Variants in MYH2 observed in about 807,000 individuals in gnomAD.
The protein encoded by MYH2 is myosin-2.
In MYH2, 139 loss-of-function variants were observed where a neutral mutation model predicts 228.1. The ratio of observed to expected loss-of-function variants is 0.61; its 90% CI spans 0.53 to 0.70. MYH2 has a LOEUF of 0.70. MYH2 is among the 30% of genes least tolerant of loss of function. MYH2 has a pLI of 0.00. For synonymous variants in MYH2, 796 were observed against 871.1 expected (o/e 0.91, Z 1.52); for missense variants, 1,809 against 2,357.5 (o/e 0.77, Z 4.82).
At position 10,525,671 on chromosome 17, in the gene MYH2, C is replaced by A. The variant is rs779536101; in HGVS notation, c.4371+22G>T. Reference sequence around the variant, plus strand: ...AAAGACAAAAGAGTAGAGTAAAGAGCAGAAGATGCTGGAGGAATTACCTTA... The same window carrying A: ...AAAGACAAAAGAGTAGAGTAAAGAGAAGAAGATGCTGGAGGAATTACCTTA... On this transcript the variant is annotated intron_variant, in intron 31 of 39. Transcript: ENST00000245503. This position sits in a 1 kb window ranked among gnomAD's most constrained non-coding sequence, Gnocchi z 4.2. 1 of 1,614,194 alleles carries A rather than the reference C, an allele frequency of 6.2e-7. No individual in the cohort carries two copies. The highest frequency in any genetic ancestry group is 1.7e-5 in the Admixed American group (1 of 60,024).
intron 8 of MYH2, 103 bp from the exon 9 acceptor site, chr17:10,543,264 G>T: frequency 1.1e-6 from 1 of 881,930 alleles, no homozygotes; most frequent in Non-Finnish European, 1.8e-6. Flanking sequence ...AATCAATTCA[G>T]AGAGTATTTG....
At position 10,525,975 on chromosome 17, in the gene MYH2, G is replaced by T; in HGVS notation, c.4188-99C>A. On this transcript the variant is annotated intron_variant, in intron 30 of 39. Transcript: ENST00000245503. This position sits in a 1 kb window ranked among gnomAD's most constrained non-coding sequence, Gnocchi z 4.2. The stretch of plus-strand genomic sequence containing the variant: ...AGAGTGTTAGAAACTTCACATTAAT[G>T]CTGCCCAGCCACCTTTCATTCTTTC... 7.6e-7 allele frequency: 1 copy of T among 1,312,852 alleles called. No homozygotes were observed. The highest frequency in any genetic ancestry group is 1.1e-6 in the Non-Finnish European group (1 of 940,106). 81.3% of individuals were successfully genotyped at this position (1,312,852 alleles called of 1,614,324 possible).
intron 14 of MYH2, among the ~76,000 whole-genome samples, chr17:10,538,824 A>T (rs1442615242): frequency 2.0e-5 from 3 of 152,184 alleles, no homozygotes; most frequent in Non-Finnish European, 2.9e-5. Context: ...TTCGTAATCA[A>T]ATATGAATTT....
chr17:10,537,904 C>T lies in MYH2; in HGVS notation c.1417-69G>A. 1 of 1,611,930 alleles carries T rather than the reference C, an allele frequency of 6.2e-7. No individual in the cohort carries two copies. Among genetic ancestry groups the T allele is most frequent in the African/African-American group, 1.3e-5 (1 of 74,774 alleles). On this transcript the variant is annotated intron_variant, in intron 14 of 39. Coordinates refer to ENST00000245503, the MANE Select transcript of MYH2 (RefSeq NM_017534.6). The surrounding 1 kb of genome is among the most constrained non-coding windows in gnomAD (Gnocchi z 4.0). The stretch of plus-strand genomic sequence containing the variant: ...TATTTTTTAAAATACAGAACTTTTC[C>T]ATTTTAAAAATATGTGTCCAAGAGC...
chr17:10,539,878 A>G lies in MYH2; in HGVS notation c.1147+50T>C, dbSNP rs761078637. The G allele has an allele frequency of 3.1e-6, 5 of 1,611,960 alleles. No homozygotes were observed. In the East Asian group the frequency reaches 1.1e-4, roughly 36 times the overall value. The stretch of plus-strand genomic sequence containing the variant: ...GAAAATTCCTGGGTAACAAGTTAAG[A>G]ATGTGATTTTCAAACAAATGCAAAA... On this transcript the variant is annotated intron_variant, in intron 12 of 39. Coordinates refer to ENST00000245503, the MANE Select transcript of MYH2 (RefSeq NM_017534.6).
chr17:10,523,287 G>A lies in MYH2; in HGVS notation c.5577+21C>T, dbSNP rs747276367. ...CATAAACTTCGACCAGTGCTTAGCC[G>A]CTAAAAACTACTGGCTGTACCTGGT... On this transcript the variant is annotated intron_variant, in intron 38 of 39. Coordinates refer to ENST00000245503, the MANE Select transcript of MYH2 (RefSeq NM_017534.6). 1.1e-4 allele frequency: 183 copies of A among 1,612,976 alleles called. 1 individual carries two copies. In the Admixed American group the frequency reaches 2.3e-3, roughly 20 times the overall value.
intron 28 of MYH2, among the ~76,000 whole-genome samples, chr17:10,527,496 G>A (rs1267586389): frequency 6.6e-6 from 1 of 152,150 alleles, no homozygotes; most frequent in African/African-American, 2.4e-5. Context: ...TGGAGTAACC[G>A]CTAATCCCAG....
At chr17:10,543,592 A>G in intron 8 of MYH2, 119 bp downstream of exon 8, 1 of 1,439,024 alleles carries the variant, frequency 6.9e-7, no homozygotes. Flanking sequence ...GCTCAGAGGA[A>G]AAGGAAAGAA....
chr17:10,545,031 G>GTGTGTGTGTGTA lies in MYH2; in HGVS notation c.505+314_505+315insTACACACACACA, dbSNP rs1415228141. ...CGTGCATGAGTGTGTGTGTGTGTGT[G>GTGTGTGTGTGTA]TATATATACATACACAGAAATATTT... On this transcript the variant is annotated intron_variant, in intron 5 of 39. Transcript: ENST00000245503. Among the ~76,000 whole-genome samples the GTGTGTGTGTGTA allele has an allele frequency of 5.2e-3, 704 of 134,696 alleles. 8 individuals are homozygous for GTGTGTGTGTGTA. The highest frequency in any genetic ancestry group is 0.018 in the African/African-American group (676 of 38,264). 88.4% of individuals were successfully genotyped at this position (134,696 alleles called of 152,430 possible). A position where few individuals can be genotyped will look rare whatever the true frequency, so the allele number is the denominator to read the frequency against.
chr17:10,540,294 A>C (rs1339306115), intron 11 of MYH2, among the ~76,000 whole-genome samples: 1 of 152,164 alleles, frequency 6.6e-6, no homozygotes, highest in Non-Finnish European at 1.5e-5. Flanking sequence ...AACAGAGAAC[A>C]AAGATAGTAA....
chr17:10,525,796 G>A lies in MYH2; in HGVS notation c.4268C>T (p.Thr1423Met), dbSNP rs766369030. The A allele has an allele frequency of 4.3e-6, 7 of 1,614,044 alleles. No individual in the cohort carries two copies. The highest frequency in any genetic ancestry group is 1.7e-5 in the Admixed American group (1 of 59,998). Residue 1423 changes from threonine (T) to methionine (M), a missense_variant, in exon 31 of 40, where the codon ACG becomes ATG. Around this residue, in one of 9 missense-constraint regions of MYH2, gnomAD observed 636 missense variants for 729.9 expected, o/e 0.87. Transcript: ENST00000245503. The surrounding 1 kb of genome is among the most constrained non-coding windows in gnomAD (Gnocchi z 4.2). ...GACCTCATTCTGCAGCCGCTGCTTC[G>A]TCTTTTCGAGGGAAGCACATTTGGC... ...VNAKCASLEK[T>M]KQRLQNEVED...
Position 10,535,187 on chromosome 17 carries a change from G to A in MYH2, c.2066C>T (p.Ala689Val), listed in dbSNP as rs199550707. 1 of 1,614,054 alleles carries A rather than the reference G, an allele frequency of 6.2e-7. No individual in the cohort carries two copies. The highest frequency in any genetic ancestry group is 1.1e-5 in the South Asian group (1 of 91,072). The change falls in exon 19 of 40, where the codon GCC (alanine) becomes GTC (valine). Residue 689 changes from alanine (A) to valine (V), a missense_variant. Physicochemically the swap from Ala to Val is moderately conservative, Grantham distance 64. Coordinates refer to ENST00000245503, the MANE Select transcript of MYH2 (RefSeq NM_017534.6). ...GTGGAGGACAAGCTCATGCTCCATG[G>A]CACCTAAAAATGCATATTTATTTCA... Reference protein sequence around the residue: ...IIPNETKTPGAMEHELVLHQL... With the variant: ...IIPNETKTPGVMEHELVLHQL...
At chr17:10,538,594 G>A (rs1418619479) in intron 14 of MYH2, among the ~76,000 whole-genome samples, 2 of 149,384 alleles carry the variant, frequency 1.3e-5, no homozygotes, top group South Asian at 2.1e-4. Flanking sequence ...GCAGTGAGCC[G>A]AGATCACGCC....
rs2073657526 is a variant in MYH2, at chr17:10,548,025, C to G, written c.-20-85G>C. 4 of 1,217,936 alleles carry G rather than the reference C, an allele frequency of 3.3e-6. No individual in the cohort carries two copies. The Admixed American group carries it at 6.0e-5, about 18-fold the overall frequency. 75.4% of individuals were successfully genotyped at this position (1,217,936 alleles called of 1,614,324 possible). On this transcript the variant is annotated intron_variant, in intron 2 of 39. Coordinates refer to ENST00000245503, the MANE Select transcript of MYH2 (RefSeq NM_017534.6). ...TTAATATTTATTGTATTTCATAGGCCCAGTTGGAAATTCCACTAGACAGGT... is the reference window on the plus strand; with the variant it reads ...TTAATATTTATTGTATTTCATAGGCGCAGTTGGAAATTCCACTAGACAGGT...
Position 10,525,032 on chromosome 17 carries a change from G to A in MYH2, c.4696C>T (p.Arg1566Cys), listed in dbSNP as rs529367667. Residue 1566 changes from arginine (R) to cysteine (C), a missense_variant, in exon 34 of 40, where the codon CGC becomes TGC. Arg to Cys is a radical substitution (Grantham distance 180). Around this residue, in one of 9 missense-constraint regions of MYH2, gnomAD observed 636 missense variants for 729.9 expected, o/e 0.87. Transcript: ENST00000245503. The surrounding 1 kb of genome is among the most constrained non-coding windows in gnomAD (Gnocchi z 4.2). ...SLEHEEGKIL[R>C]IQLELNQVKS... is the part of the protein sequence containing the mutation. The stretch of plus-strand genomic sequence containing the variant: ...ACTTGGTTCAACTCAAGCTGGATGC[G>A]CAGGATCTTTCCCTCTTCATGTTCA... 223 of 1,614,030 alleles carry A rather than the reference G, an allele frequency of 1.4e-4. 2 individuals carry two copies. The South Asian group carries it at 2.1e-3, about 15-fold the overall frequency.
At chr17:10,540,822 G>A (rs1246477204) in intron 10 of MYH2, 125 bp from the exon 11 acceptor site, 6 of 737,048 alleles carry the variant, frequency 8.1e-6, no homozygotes, top group South Asian at 1.6e-5. Context: ...AGAGGGACCG[G>A]CTGAAGCCAT....
chr17:10,545,103 TACTA>T (rs2073610317), intron 5 of MYH2, among the ~76,000 whole-genome samples: 1 of 152,142 alleles, frequency 6.6e-6, no homozygotes, highest in Admixed American at 6.5e-5. Flanking sequence ...TTCAAAAGTA[TACTA>T]ACTAACCATG....
chr17:10,529,778 C>A (rs1220419833), intron 23 of MYH2, 38 bp from the exon 24 acceptor site: 1 of 1,613,954 alleles, frequency 6.2e-7, no homozygotes, highest in East Asian at 2.2e-5. Context: ...TGCTATAAAG[C>A]ACCTTTGTTG....
In MYH2 at chr17:10,527,154, A is replaced by G. The variant is rs2073366047; in HGVS notation, c.3872-98T>C. 38 of 1,087,486 alleles carry G rather than the reference A, an allele frequency of 3.5e-5. No homozygotes were observed. The South Asian group carries it at 4.6e-4, about 13-fold the overall frequency. 67.4% of individuals were successfully genotyped at this position (1,087,486 alleles called of 1,614,324 possible). A position where few individuals can be genotyped will look rare whatever the true frequency, so the allele number is the denominator to read the frequency against. The stretch of plus-strand genomic sequence containing the variant: ...TTTTGACTCTTATTTTCCCAAATTG[A>G]GTGCTCAGATGGTTGAATTCTATAC... On this transcript the variant is annotated intron_variant, in intron 28 of 39. Transcript: ENST00000245503.
Sources: allele counts gnomAD v4.1 joint callset (sites outside exome capture counted in the v4.1 genomes callset), GRCh38; gene constraint gnomAD v4.1.1; regional missense constraint gnomAD v4.1.1; non-coding constraint Gnocchi (gnomAD v3.1); transcripts MANE v1.5; gene names NCBI Gene and HGNC (gene_info 2026-07-23, HGNC 2026-07-21).